ZFPM2: variants seen among roughly 807,000 people sequenced by gnomAD.
ZFPM2 encodes zinc finger protein, FOG family member 2.
A neutral mutation model predicts 98.6 loss-of-function variants in ZFPM2; 20 were observed. The ratio of observed to expected loss-of-function variants is 0.20; its 90% CI spans 0.14 to 0.29. The LOEUF (loss-of-function observed/expected upper bound fraction) is 0.29, where lower values mean the gene tolerates loss of function less well. Ranked by LOEUF, ZFPM2 falls within the 10% of genes least tolerant of loss-of-function variation. ZFPM2 has a pLI of 1.00. For synonymous variants in ZFPM2, 518 were observed against 502.7 expected (o/e 1.03, Z -0.41); for missense variants, 1,310 against 1,388.6 (o/e 0.94, Z 0.90).
At chr8:105,794,942 G>C (rs1813744649) in intron 6 of ZFPM2, among the ~76,000 whole-genome samples, 1 of 152,194 alleles carries the variant, frequency 6.6e-6, no homozygotes, top group Non-Finnish European at 1.5e-5. Context: ...GAAAATCGCA[G>C]TATTCGGGTG....
rs2130635618 is a variant in ZFPM2, at chr8:105,318,934, C to T, written c.-8C>T. The T allele has an allele frequency of 2.1e-6, 3 of 1,433,748 alleles. No homozygotes were observed. The South Asian group carries it at 4.2e-5, about 20-fold the overall frequency. The allele number at this position is 1,433,748 out of a possible 1,614,324, so 88.8% of individuals were successfully genotyped here. Reference sequence around the variant, plus strand: ...GCGGGAGCCCCAGCGGCAGCAGCCGCCGCCGAGATGTCCCGGCGAAAGCAA... The same window carrying T: ...GCGGGAGCCCCAGCGGCAGCAGCCGTCGCCGAGATGTCCCGGCGAAAGCAA... On this transcript the variant is annotated 5_prime_UTR_variant, in exon 1 of 8. Transcript: ENST00000407775.
chr8:105,683,357 A>G (rs1810654838), intron 5 of ZFPM2, among the ~76,000 whole-genome samples: 1 of 152,124 alleles, frequency 6.6e-6, no homozygotes, highest in Non-Finnish European at 1.5e-5. Context: ...CCAAACAGGA[A>G]TTTGCTTTGC....
At chr8:105,766,649 G>A (rs1017395507) in intron 5 of ZFPM2, among the ~76,000 whole-genome samples, 1 of 151,908 alleles carries the variant, frequency 6.6e-6, no homozygotes. Context: ...CAGGGCTTTA[G>A]TGATTGATTG....
intron 3 of ZFPM2, among the ~76,000 whole-genome samples, chr8:105,471,132 C>T (rs571926741): frequency 5.3e-5 from 8 of 152,066 alleles, no homozygotes; most frequent in Admixed American, 1.3e-4. Flanking sequence ...TCTTACACTG[C>T]GTTAGGGATG....
chr8:105,799,509 T>A (rs1303676898), intron 7 of ZFPM2, among the ~76,000 whole-genome samples: 1 of 152,176 alleles, frequency 6.6e-6, no homozygotes, highest in African/African-American at 2.4e-5. Context: ...TTTAGTACTA[T>A]GTTTTAAAAT....
intron 5 of ZFPM2, among the ~76,000 whole-genome samples, chr8:105,683,218 C>T (rs1019678391): frequency 5.3e-5 from 8 of 152,078 alleles, no homozygotes; most frequent in African/African-American, 1.9e-4. Context: ...GCATTCAGGT[C>T]ATAGCAAGCA....
chr8:105,648,681 T>G (rs1292887353), intron 5 of ZFPM2, among the ~76,000 whole-genome samples: 1 of 152,160 alleles, frequency 6.6e-6, no homozygotes, highest in Non-Finnish European at 1.5e-5. Context: ...AAAGATCAGA[T>G]GGTTGTAGAT....
intron 3 of ZFPM2, among the ~76,000 whole-genome samples, chr8:105,533,063 G>A (rs10111677): frequency 0.02 from 3,009 of 151,976 alleles, 105 homozygotes; most frequent in African/African-American, 0.069. Flanking sequence ...CAAGTGTAAG[G>A]GTAATAAATG....
intron 4 of ZFPM2, among the ~76,000 whole-genome samples, chr8:105,600,868 G>A (rs1195732506): frequency 6.6e-6 from 1 of 152,090 alleles, no homozygotes; most frequent in African/African-American, 2.4e-5. Flanking sequence ...GACTATTGCA[G>A]TGTTTTCCTT....
At chr8:105,758,342 A>G (rs1231343371) in intron 5 of ZFPM2, among the ~76,000 whole-genome samples, 1 of 152,112 alleles carries the variant, frequency 6.6e-6, no homozygotes, top group Non-Finnish European at 1.5e-5. Context: ...AGAATACTTG[A>G]CAGTTGAAAA....
intron 1 of ZFPM2, among the ~76,000 whole-genome samples, chr8:105,410,841 A>G (rs1811562198): frequency 6.6e-6 from 1 of 151,790 alleles, no homozygotes; most frequent in South Asian, 2.1e-4. Context: ...TCTTACTCAT[A>G]AGTGCTTTTA....
chr8:105,662,922 C>A (rs1817419698), intron 5 of ZFPM2: 1 of 151,980 alleles, frequency 6.6e-6, no homozygotes, highest in African/African-American at 2.4e-5. Context: ...CACAGATTCC[C>A]CTGAATTCCG....
intron 3 of ZFPM2, among the ~76,000 whole-genome samples, chr8:105,515,627 G>A (rs756345253): frequency 6.6e-6 from 1 of 152,112 alleles, no homozygotes; most frequent in Non-Finnish European, 1.5e-5. Flanking sequence ...AATACAGATA[G>A]TAATAATTAT....
Position 105,730,776 on chromosome 8 carries a change from C to CTTTTTTT in ZFPM2, c.533-57927_533-57921dup, listed in dbSNP as rs201573898. Among the ~76,000 whole-genome samples the CTTTTTTT allele has an allele frequency of 2.1e-3, 260 of 123,988 alleles. 1 individual carries two copies. Among genetic ancestry groups the CTTTTTTT allele is most frequent in the Non-Finnish European group, 3.0e-3 (181 of 60,048 alleles). 81.3% of individuals were successfully genotyped at this position (123,988 alleles called of 152,430 possible). On this transcript the variant is annotated intron_variant, in intron 5 of 7. Coordinates refer to ENST00000407775, the MANE Select transcript of ZFPM2 (RefSeq NM_012082.4). ...GCGACACCTGAACTTTTTCTTTTTT[C>CTTTTTTT]TTTTTTTTTTTTTTTTTTTTTACTG...
At chr8:105,463,615 A>C (rs1812742943) in intron 3 of ZFPM2, among the ~76,000 whole-genome samples, 1 of 152,074 alleles carries the variant, frequency 6.6e-6, no homozygotes, top group African/African-American at 2.4e-5. Context: ...ATAAATAGCT[A>C]ACTGCAAAAT....
chr8:105,578,464 T>C (rs1815516513), intron 4 of ZFPM2, among the ~76,000 whole-genome samples: 1 of 152,100 alleles, frequency 6.6e-6, no homozygotes, highest in African/African-American at 2.4e-5. Context: ...ATATCTTTTA[T>C]CATCAAACAA....
intron 4 of ZFPM2, among the ~76,000 whole-genome samples, chr8:105,627,846 A>G (rs1816686895): frequency 6.6e-6 from 1 of 152,168 alleles, no homozygotes; most frequent in South Asian, 2.1e-4. Context: ...GGCCAGATCC[A>G]ACTTTAAAAG....
At chr8:105,528,305 C>T (rs1261615397) in intron 3 of ZFPM2, among the ~76,000 whole-genome samples, 1 of 152,026 alleles carries the variant, frequency 6.6e-6, no homozygotes, top group Non-Finnish European at 1.5e-5. Flanking sequence ...ATAATGTTAC[C>T]AGAGTCCAGT....
At chr8:105,500,501 T>A (rs867546208) in intron 3 of ZFPM2, among the ~76,000 whole-genome samples, 5 of 152,250 alleles carry the variant, frequency 3.3e-5, no homozygotes, top group African/African-American at 1.2e-4. Flanking sequence ...AACAGTTACA[T>A]CTCTGATGTT....
Sources: gnomAD v4.1 joint callset for allele counts (sites outside exome capture counted in the v4.1 genomes callset) on GRCh38, gnomAD v4.1.1 for gene constraint, MANE v1.5 for transcripts, NCBI Gene and HGNC (gene_info 2026-07-23, HGNC 2026-07-21) for gene names.